Variants in STYX observed in about 807,000 individuals in gnomAD.
STYX encodes the protein serine/threonine/tyrosine interacting protein, also known as serine/threonine/tyrosine-interacting protein.
In STYX, 20 loss-of-function variants were observed where a neutral mutation model predicts 42.7. The observed-to-expected ratio is 0.47, with a 90% confidence interval of 0.33 to 0.68. STYX has a LOEUF of 0.68. Ranked by LOEUF, STYX falls within the 30% of genes least tolerant of loss-of-function variation. The probability of loss-of-function intolerance (pLI) is 0.02; values close to 1 mark genes in which losing one functional copy is unlikely to be tolerated. For missense variants in STYX, 226 were observed against 268.5 expected (o/e 0.84, Z 1.11); for synonymous variants, 78 against 81.9 (o/e 0.95, Z 0.26).
chr14:52,763,353 ATGT>A (rs1047055890), intron 9 of STYX, among the ~76,000 whole-genome samples: 13 of 152,090 alleles, frequency 8.5e-5, no homozygotes, highest in African/African-American at 3.1e-4. Context: ...TGGTTAGTCC[ATGT>A]TGTTTTTCTG....
At chr14:52,757,453 A>C (rs567771009) in intron 6 of STYX, 98 bp downstream of exon 6, 1 of 1,138,942 alleles carries the variant, frequency 8.8e-7, no homozygotes, top group African/African-American at 1.6e-5. Flanking sequence ...TGGAAGTTAC[A>C]ATTATATGTA....
chr14:52,749,879 G>C (rs1185929831), intron 3 of STYX, among the ~76,000 whole-genome samples: 1 of 152,066 alleles, frequency 6.6e-6, no homozygotes, highest in Non-Finnish European at 1.5e-5. Flanking sequence ...CCATGTAATG[G>C]GTCACTGTCA....
intron 2 of STYX, among the ~76,000 whole-genome samples, chr14:52,745,548 CAGCAAATAAGCATTGTTCATT>C (rs963709441): frequency 9.9e-5 from 15 of 152,192 alleles, no homozygotes; most frequent in African/African-American, 3.6e-4. Flanking sequence ...GTTGTCTGTA[CAGCAAATAAGCATTGTTCATT>C]TTGTGTCCGA....
In STYX at chr14:52,765,615, T is replaced by G. The variant is rs570087404; in HGVS notation, c.505-3225T>G. Among the ~76,000 whole-genome samples, 3 of 152,250 alleles carry G rather than the reference T, an allele frequency of 2.0e-5. No homozygotes were observed. The East Asian group carries it at 5.8e-4, about 29-fold the overall frequency. ...AGGAGAAGGTTGTCTAGATCAGCAG[T>G]CTCCAACCTTTTTCACACCAAGGAC... is the stretch of plus-strand genomic sequence containing the variant. On this transcript the variant is annotated intron_variant, in intron 9 of 10. Coordinates refer to ENST00000354586, the MANE Select transcript of STYX (RefSeq NM_145251.4).
rs1394227486 is a variant in STYX, at chr14:52,762,855, T to G, written c.504+3101T>G. 1.1e-3 allele frequency among the ~76,000 whole-genome samples: 160 copies of G among 147,308 alleles called. 1 individual carries two copies. The highest frequency in any genetic ancestry group is 1.9e-3 in the Non-Finnish European group (129 of 66,926). On this transcript the variant is annotated intron_variant, in intron 9 of 10. Coordinates refer to ENST00000354586, the MANE Select transcript of STYX (RefSeq NM_145251.4). ...TCATTTGGTGTATCGGTTTGATTTT[T>G]TCTTTTCTTTCTTTCTTTCTTTCTT...
At chr14:52,736,589 C>T (rs764597935) in intron 1 of STYX, among the ~76,000 whole-genome samples, 76 of 152,206 alleles carry the variant, frequency 5.0e-4, no homozygotes, top group Non-Finnish European at 7.1e-4. Context: ...TCTTGTGAAT[C>T]CCGTAGTACA....
chr14:52,740,341 T>C (rs1881137617), intron 1 of STYX, among the ~76,000 whole-genome samples: 1 of 152,236 alleles, frequency 6.6e-6, no homozygotes, highest in Non-Finnish European at 1.5e-5. Context: ...GCTTAGAAAT[T>C]ACATGCTTTA....
rs1021975745 is a variant in STYX at position 52,772,796 on chromosome 14, G to C, written c.*1690G>C. 1 of 151,766 alleles carries C rather than the reference G, an allele frequency of 6.6e-6. No homozygotes were observed. Among genetic ancestry groups the C allele is most frequent in the South Asian group, 2.1e-4 (1 of 4,808 alleles). The allele number at this position is 151,766 out of a possible 1,614,324, so 9.4% of individuals were successfully genotyped here. Reference sequence around the variant, plus strand: ...TTGACCCAGGTGATATTTCTCTTCTGATTTCCCTCCCCTTCCCTTCTCTTA... The same window carrying C: ...TTGACCCAGGTGATATTTCTCTTCTCATTTCCCTCCCCTTCCCTTCTCTTA... On this transcript the variant is annotated 3_prime_UTR_variant, in exon 11 of 11. Coordinates refer to ENST00000354586, the MANE Select transcript of STYX (RefSeq NM_145251.4).
chr14:52,732,293 G>T (rs1294890970), intron 1 of STYX, among the ~76,000 whole-genome samples: 8 of 135,006 alleles, frequency 5.9e-5, no homozygotes, highest in Non-Finnish European at 9.4e-5. Flanking sequence ...TTGAGACAGA[G>T]TCTCACTCTG....
intron 1 of STYX, among the ~76,000 whole-genome samples, chr14:52,740,199 C>T (rs1701189148): frequency 6.6e-6 from 1 of 152,142 alleles, no homozygotes; most frequent in South Asian, 2.1e-4. Context: ...TTGCTTGAAC[C>T]TGGGAAGCGG....
chr14:52,753,892 ATTTTTTTTT>A (rs56734068), intron 4 of STYX, among the ~76,000 whole-genome samples: 5 of 77,244 alleles, frequency 6.5e-5, no homozygotes, highest in East Asian at 4.3e-4. Flanking sequence ...CAAAACACTG[ATTTTTTTTT>A]TTTTTTTTTT....
At chr14:52,770,502 G>A (rs1025067945) in intron 10 of STYX, among the ~76,000 whole-genome samples, 1 of 152,146 alleles carries the variant, frequency 6.6e-6, no homozygotes, top group East Asian at 1.9e-4. Flanking sequence ...AGCAGATGCT[G>A]GTATGAAGAA....
At chr14:52,756,876 G>A (rs1036390695) in intron 5 of STYX, among the ~76,000 whole-genome samples, 17 of 151,432 alleles carry the variant, frequency 1.1e-4, no homozygotes, top group African/African-American at 2.2e-4. Context: ...TAGTAGAGAC[G>A]GGGTTTCTCC....
At chr14:52,734,065 C>T (rs1339597952) in intron 1 of STYX, among the ~76,000 whole-genome samples, 1 of 152,190 alleles carries the variant, frequency 6.6e-6, no homozygotes. Flanking sequence ...TGGTTGTGGA[C>T]AGCGACCATT....
rs750717349 is a variant in STYX at position 52,768,824 on chromosome 14, C to CTTTT, written c.505-14_505-13insTTTT. The CTTTT allele has an allele frequency of 3.1e-6, 4 of 1,291,166 alleles. No homozygotes were observed. Among genetic ancestry groups the CTTTT allele is most frequent in the Non-Finnish European group, 2.1e-6 (2 of 943,262 alleles). 80.0% of individuals were successfully genotyped at this position (1,291,166 alleles called of 1,614,324 possible). ...GTAAATATATAATTAAGTTAATTAA[C>CTTTT]TTATTTTTTTTTTAGGAATATGAAG... On this transcript the variant is annotated splice_polypyrimidine_tract_variant and intron_variant, in intron 9 of 10. Transcript: ENST00000354586.
At chr14:52,740,258 G>A (rs530262622) in intron 1 of STYX, among the ~76,000 whole-genome samples, 1 of 152,268 alleles carries the variant, frequency 6.6e-6, no homozygotes, top group East Asian at 1.9e-4. Context: ...TCCAGCCTAG[G>A]CGACAGAGCG....
intron 1 of STYX, among the ~76,000 whole-genome samples, chr14:52,735,990 G>C (rs908778560): frequency 1.3e-5 from 2 of 152,164 alleles, no homozygotes; most frequent in South Asian, 4.1e-4. Context: ...CCAGGGTCCT[G>C]TATGGTCTGA....
intron 1 of STYX, among the ~76,000 whole-genome samples, chr14:52,736,354 T>A (rs1320468464): frequency 6.6e-6 from 1 of 152,212 alleles, no homozygotes; most frequent in East Asian, 1.9e-4. Flanking sequence ...ATTTAACAAT[T>A]TTTGGTCATT....
At chr14:52,739,903 A>G (rs1286518302) in intron 1 of STYX, among the ~76,000 whole-genome samples, 1 of 151,884 alleles carries the variant, frequency 6.6e-6, no homozygotes, top group Admixed American at 6.6e-5. Flanking sequence ...CAGCCTTCCA[A>G]AGGGCTGGGA....
Sources: gnomAD v4.1 joint callset for allele counts (sites outside exome capture counted in the v4.1 genomes callset) on GRCh38, gnomAD v4.1.1 for gene constraint, MANE v1.5 for transcripts, NCBI Gene and HGNC (gene_info 2026-07-23, HGNC 2026-07-21) for gene names.